Variants in TENM2 observed in about 807,000 individuals in gnomAD.
The protein encoded by TENM2 is teneurin transmembrane protein 2, also known as teneurin-2.
TENM2 carries 52 observed loss-of-function variants against 245.2 expected under a neutral mutation model. That is an observed-to-expected ratio of 0.21 (90% CI 0.17 to 0.27). The LOEUF is 0.27. Among genes scored for constraint, TENM2 ranks in the 10% least tolerant of loss-of-function variants. The pLI is 1.00. For synonymous variants in TENM2, 1,363 were observed against 1,438.9 expected (o/e 0.95, Z 1.19); for missense variants, 3,046 against 3,666.8 (o/e 0.83, Z 4.37).
At chr5:167,736,111 A>G (rs1171452852) in intron 2 of TENM2, among the ~76,000 whole-genome samples, 1 of 152,214 alleles carries the variant, frequency 6.6e-6, no homozygotes, top group Non-Finnish European at 1.5e-5. Flanking sequence ...GAAACTTACA[A>G]TCATGGTGGA....
At chr5:167,108,777 T>C in the TENM2 span, among the ~76,000 whole-genome samples, 1 of 152,238 alleles carries the variant, frequency 6.6e-6, no homozygotes, top group African/African-American at 2.4e-5. Context: ...ACTGTAGCCA[T>C]TTTTAAATCA....
the TENM2 span, among the ~76,000 whole-genome samples, chr5:167,023,058 C>T: frequency 6.6e-6 from 1 of 152,136 alleles, no homozygotes; most frequent in African/African-American, 2.4e-5. Context: ...GCCTCTGGGA[C>T]TTATTACCCA....
intron 1 of TENM2, among the ~76,000 whole-genome samples, chr5:167,301,764 A>G (rs970316279): frequency 7.2e-5 from 11 of 152,166 alleles, no homozygotes; most frequent in Admixed American, 6.6e-4. Flanking sequence ...GATTTGGGAT[A>G]AGGAAAAAGG....
intron 1 of TENM2, among the ~76,000 whole-genome samples, chr5:167,349,302 C>T (rs566774278): frequency 6.6e-6 from 1 of 152,260 alleles, no homozygotes; most frequent in African/African-American, 2.4e-5. Context: ...TGTCTGAATA[C>T]AGTAGCTATT....
intron 2 of TENM2, among the ~76,000 whole-genome samples, chr5:167,471,306 T>C (rs959319356): frequency 2.6e-5 from 4 of 152,202 alleles, no homozygotes; most frequent in Non-Finnish European, 5.9e-5. Context: ...GGAGCTAACA[T>C]TCTTTCCCAA....
At chr5:167,823,523 A>G (rs542660450) in intron 2 of TENM2, among the ~76,000 whole-genome samples, 27 of 152,232 alleles carry the variant, frequency 1.8e-4, no homozygotes, top group Middle Eastern at 6.8e-3. Flanking sequence ...ATAAAACACA[A>G]TGGAGATTTA....
At chr5:167,265,429 G>C in the TENM2 span, among the ~76,000 whole-genome samples, 2 of 151,806 alleles carry the variant, frequency 1.3e-5, no homozygotes, top group African/African-American at 4.8e-5. Context: ...TACAGAACTG[G>C]TTATGGCATC....
chr5:167,269,586 C>A, the TENM2 span, among the ~76,000 whole-genome samples: 1 of 151,876 alleles, frequency 6.6e-6, no homozygotes, highest in Non-Finnish European at 1.5e-5. Flanking sequence ...GATGAAAGTG[C>A]ATTGTACTGT....
At chr5:167,232,534 A>G in the TENM2 span, among the ~76,000 whole-genome samples, 2 of 152,032 alleles carry the variant, frequency 1.3e-5, no homozygotes, top group African/African-American at 4.8e-5. Flanking sequence ...CACTGCTGCT[A>G]GCTAATTTTT....
chr5:168,110,547 A>G (rs940876537), intron 9 of TENM2, among the ~76,000 whole-genome samples: 2 of 152,228 alleles, frequency 1.3e-5, no homozygotes, highest in Admixed American at 6.5e-5. Context: ...GTAAGCCTAC[A>G]CCATGCCCAG....
chr5:167,157,090 C>T, the TENM2 span, among the ~76,000 whole-genome samples: 1 of 152,152 alleles, frequency 6.6e-6, no homozygotes, highest in Non-Finnish European at 1.5e-5. Flanking sequence ...TGTAGACTCT[C>T]ACACCATTGA....
At chr5:167,739,588 C>T (rs1004105905) in intron 2 of TENM2, among the ~76,000 whole-genome samples, 8 of 152,166 alleles carry the variant, frequency 5.3e-5, no homozygotes, top group Admixed American at 4.6e-4. Context: ...CAAGTCTGTG[C>T]TGCCTTGTAT....
At chr5:168,007,413 G>T (rs1191825517) in intron 5 of TENM2, among the ~76,000 whole-genome samples, 1 of 152,204 alleles carries the variant, frequency 6.6e-6, no homozygotes, top group Non-Finnish European at 1.5e-5. Flanking sequence ...CCAGGTGTGA[G>T]CCACCACACC....
At chr5:167,614,757 G>A (rs138250978) in intron 2 of TENM2, among the ~76,000 whole-genome samples, 2 of 152,024 alleles carry the variant, frequency 1.3e-5, no homozygotes, top group African/African-American at 4.8e-5. Context: ...AAGGAGAAAT[G>A]GGGATTGCTG....
chr5:167,432,049 A>G (rs1280411819), intron 2 of TENM2, among the ~76,000 whole-genome samples: 1 of 149,766 alleles, frequency 6.7e-6, no homozygotes, highest in East Asian at 1.9e-4. Context: ...AATGGTCAAG[A>G]TAAGAGAAAA....
chr5:167,397,932 T>C (rs555539628), intron 2 of TENM2, among the ~76,000 whole-genome samples: 3 of 152,272 alleles, frequency 2.0e-5, no homozygotes, highest in African/African-American at 7.2e-5. Context: ...CCTATGACCA[T>C]AGTCTTGTTT....
chr5:167,904,518 C>G (rs1400243244), intron 3 of TENM2, among the ~76,000 whole-genome samples: 1 of 152,094 alleles, frequency 6.6e-6, no homozygotes, highest in African/African-American at 2.4e-5. Flanking sequence ...ACAATAAGTA[C>G]AGAGTCCCTA....
chr5:167,977,405 C>T (rs1477805992), intron 4 of TENM2, among the ~76,000 whole-genome samples: 2 of 152,162 alleles, frequency 1.3e-5, no homozygotes, highest in African/African-American at 4.8e-5. Flanking sequence ...AATTGAAGAA[C>T]TTAAACTGAT....
intron 2 of TENM2, among the ~76,000 whole-genome samples, chr5:167,659,821 C>T (rs1198429320): frequency 2.0e-5 from 3 of 152,142 alleles, no homozygotes; most frequent in Non-Finnish European, 4.4e-5. Flanking sequence ...GCACATCTGC[C>T]TCCCCATATG....
Sources: gnomAD v4.1 joint callset for allele counts (sites outside exome capture counted in the v4.1 genomes callset) on GRCh38, gnomAD v4.1.1 for gene constraint, MANE v1.5 for transcripts, NCBI Gene and HGNC (gene_info 2026-07-23, HGNC 2026-07-21) for gene names.